Variants in PSPC1 observed in about 807,000 individuals in gnomAD.
PSPC1 encodes the protein paraspeckle protein 1.
PSPC1 carries 14 observed loss-of-function variants against 51.6 expected under a neutral mutation model. The observed-to-expected ratio is 0.27, with a 90% CI of 0.18 to 0.42. The LOEUF (loss-of-function observed/expected upper bound fraction) is 0.42. PSPC1 is among the 10% of genes least tolerant of loss of function. PSPC1 has a pLI of 1.00. For synonymous variants in PSPC1, 193 were observed against 231.9 expected (o/e 0.83, Z 1.53); for missense variants, 406 against 701.1 (o/e 0.58, Z 4.75).
At chr13:19,675,989 T>C (rs1876590425) in intron 7 of PSPC1, 1 of 152,238 alleles carries the variant, frequency 6.6e-6, no homozygotes, top group Non-Finnish European at 1.5e-5. Context: ...AAGGAGTTAC[T>C]TTAACTGAAG....
intron 5 of PSPC1, among the ~76,000 whole-genome samples, chr13:19,736,490 T>A (rs755953065): frequency 2.6e-5 from 4 of 151,972 alleles, no homozygotes; most frequent in African/African-American, 9.7e-5. Context: ...GAGACCATCC[T>A]GGCTAACACA....
At chr13:19,684,441 T>A (rs1877624293) in intron 6 of PSPC1, among the ~76,000 whole-genome samples, 1 of 152,224 alleles carries the variant, frequency 6.6e-6, no homozygotes, top group South Asian at 2.1e-4. Flanking sequence ...CACTGTTACT[T>A]ATTTAATGTA....
At position 19,705,783 on chromosome 13, in the gene PSPC1, A is replaced by G. The variant is rs1487735255; in HGVS notation, c.1265T>C (p.Met422Thr). 8.7e-6 allele frequency: 14 copies of G among 1,612,366 alleles called. No homozygotes were observed. The highest frequency in any genetic ancestry group is 5.4e-5 in the African/African-American group (4 of 74,684). The change falls in exon 8 of 9, where the codon ATG becomes ACG. Residue 422 changes from methionine to threonine, a missense_variant. Physicochemically the swap from Met to Thr is moderately conservative, Grantham distance 81. Transcript: ENST00000338910. ...TGCTCTGTTGTTCATATTCATACCC[A>G]TCATTGGAGGAGGACCTTGGTTACC... Reference protein sequence around the residue: ...PAGNQGPPPMMGMNMNNRATI... With the variant: ...PAGNQGPPPMTGMNMNNRATI...
At position 19,782,889 on chromosome 13, in the gene PSPC1, G is replaced by T; in HGVS notation, c.-132C>A. 2 of 1,081,572 alleles carry T rather than the reference G, an allele frequency of 1.8e-6. No homozygotes were observed. Among genetic ancestry groups the T allele is most frequent in the Non-Finnish European group, 2.4e-6 (2 of 817,304 alleles). The allele number at this position is 1,081,572 out of a possible 1,614,324, so 67.0% of individuals were successfully genotyped here. A position where few individuals can be genotyped will look rare whatever the true frequency, so the allele number is the denominator to read the frequency against. On this transcript the variant is annotated 5_prime_UTR_variant, in exon 1 of 9. Coordinates refer to ENST00000338910, the MANE Select transcript of PSPC1 (RefSeq NM_001354909.2). This position sits in a 1 kb window ranked among gnomAD's most constrained non-coding sequence, Gnocchi z 4.5. ...AATCAAGAGACCGCTAGGTAGGCGA[G>T]TCGGCAACCCGTCCTCCCCCAACTC...
rs1048554188 is a variant in PSPC1 at position 19,724,390 on chromosome 13, T to C, written c.1158+5849A>G. 6.4e-4 allele frequency among the ~76,000 whole-genome samples: 98 copies of C among 152,094 alleles called. 1 individual carries two copies. The highest frequency in any genetic ancestry group is 2.0e-4 in the Admixed American group (3 of 15,270). ...TGCCACATCAGGGAAAGTTAGGTTA[T>C]GATTAAAGCAAGAGATGATAGATGA... On this transcript the variant is annotated intron_variant, in intron 6 of 8. Coordinates refer to ENST00000338910, the MANE Select transcript of PSPC1 (RefSeq NM_001354909.2).
chr13:19,680,781 C>T (rs934908464), intron 6 of PSPC1, among the ~76,000 whole-genome samples: 21 of 152,138 alleles, frequency 1.4e-4, no homozygotes, highest in African/African-American at 4.1e-4. Context: ...GGATTTTATC[C>T]TCATGCCAAA....
intron 2 of PSPC1, among the ~76,000 whole-genome samples, chr13:19,764,701 A>AAAAAAAAGG (rs58589558): frequency 6.7e-6 from 1 of 148,542 alleles, no homozygotes. Flanking sequence ...AAAAAAAAAA[A>AAAAAAAAGG]GGTGGCTTAA....
intron 6 of PSPC1, among the ~76,000 whole-genome samples, chr13:19,681,202 G>T (rs1403625832): frequency 6.6e-6 from 1 of 152,050 alleles, no homozygotes; most frequent in Non-Finnish European, 1.5e-5. Flanking sequence ...GTGACAGAGT[G>T]ACACTCTATC....
chr13:19,702,045 T>A (rs1389426640), downstream of PSPC1, among the ~76,000 whole-genome samples: 1 of 152,180 alleles, frequency 6.6e-6, no homozygotes, highest in Non-Finnish European at 1.5e-5. Flanking sequence ...CCAATGACTC[T>A]AGCCATTCTC....
intron 2 of PSPC1, among the ~76,000 whole-genome samples, chr13:19,769,200 C>G (rs912928928): frequency 6.6e-6 from 1 of 150,998 alleles, no homozygotes; most frequent in Non-Finnish European, 1.5e-5. Flanking sequence ...CCTGTAATCT[C>G]AGCACTTTGG....
chr13:19,685,629 A>T (rs1877783147), intron 6 of PSPC1, among the ~76,000 whole-genome samples: 1 of 152,230 alleles, frequency 6.6e-6, no homozygotes, highest in Admixed American at 6.5e-5. Flanking sequence ...CTAGTGCACA[A>T]TCACCACTAG....
chr13:19,674,054 T>C (rs1876340002), downstream of PSPC1, among the ~76,000 whole-genome samples: 1 of 152,226 alleles, frequency 6.6e-6, no homozygotes, highest in African/African-American at 2.4e-5. Context: ...ATAGGTGATC[T>C]CAGGACTAAG....
intron 7 of PSPC1, among the ~76,000 whole-genome samples, chr13:19,677,466 C>A (rs925557792): frequency 6.6e-6 from 1 of 151,270 alleles, no homozygotes; most frequent in Non-Finnish European, 1.5e-5. Context: ...AAGAGGAGGG[C>A]AAGGCGAAGC....
At chr13:19,743,085 G>A (rs1440764210) in intron 4 of PSPC1, among the ~76,000 whole-genome samples, 1 of 152,118 alleles carries the variant, frequency 6.6e-6, no homozygotes, top group Non-Finnish European at 1.5e-5. Flanking sequence ...CATTTGTATT[G>A]CACATCTAAG....
At chr13:19,759,948 C>T (rs1198144596) in intron 2 of PSPC1, among the ~76,000 whole-genome samples, 1 of 151,098 alleles carries the variant, frequency 6.6e-6, no homozygotes, top group Admixed American at 6.6e-5. Flanking sequence ...GTAAATAAAG[C>T]AACAATTATG....
chr13:19,687,668 T>TCCCCTATATTAACCA (rs142473484), intron 6 of PSPC1, among the ~76,000 whole-genome samples: 3 of 151,866 alleles, frequency 2.0e-5, no homozygotes, highest in African/African-American at 4.8e-5. Context: ...TCCACATAAA[T>TCCCCTATATTAACCA]CCCAGTCGTG....
intron 4 of PSPC1, among the ~76,000 whole-genome samples, chr13:19,750,584 T>TA (rs1400060528): frequency 6.6e-6 from 1 of 152,038 alleles, no homozygotes; most frequent in Admixed American, 6.6e-5. Flanking sequence ...CATGTAATAA[T>TA]AATCTTAAAT....
intron 6 of PSPC1, among the ~76,000 whole-genome samples, chr13:19,712,959 G>C (rs1330202776): frequency 2.6e-5 from 4 of 152,062 alleles, no homozygotes; most frequent in African/African-American, 9.7e-5. Context: ...CAAACTTCTA[G>C]TAAAATGCAA....
chr13:19,712,561 T>C (rs750249077), intron 6 of PSPC1, among the ~76,000 whole-genome samples: 1 of 152,168 alleles, frequency 6.6e-6, no homozygotes, highest in East Asian at 1.9e-4. Flanking sequence ...AAAATATCTA[T>C]GGTTTTAAGT....
Sources: gnomAD v4.1 joint callset for allele counts (sites outside exome capture counted in the v4.1 genomes callset) on GRCh38, gnomAD v4.1.1 for gene constraint, Gnocchi (gnomAD v3.1) non-coding constraint, MANE v1.5 for transcripts, NCBI Gene and HGNC (gene_info 2026-07-23, HGNC 2026-07-21) for gene names.